Variants in ANO6 observed in about 807,000 individuals in gnomAD.
The protein encoded by ANO6 is anoctamin-6.
Under a neutral mutation model 117.5 loss-of-function variants are expected in ANO6, and 106 were observed. The observed-to-expected ratio is 0.90, with a 90% CI of 0.77 to 1.06. The LOEUF (loss-of-function observed/expected upper bound fraction) is 1.06. ANO6 is among the 50% of genes least tolerant of loss of function. The probability of loss-of-function intolerance (pLI) is 0.00; values close to 1 mark genes in which losing one functional copy is unlikely to be tolerated. For missense variants in ANO6, 955 were observed against 1,121.1 expected (o/e 0.85, Z 2.12); for synonymous variants, 367 against 385.1 (o/e 0.95, Z 0.55).
intron 6 of ANO6, among the ~76,000 whole-genome samples, chr12:45,349,082 G>A (rs1941218283): frequency 6.6e-6 from 1 of 152,132 alleles, no homozygotes; most frequent in African/African-American, 2.4e-5. Flanking sequence ...TAATCCAAAT[G>A]TTAGTCCCTA....
rs147624961 is a variant in ANO6 at position 45,391,323 on chromosome 12, G to A, written c.1386+825G>A. Among the ~76,000 whole-genome samples, 1,061 of 152,236 alleles carry A rather than the reference G, an allele frequency of 7.0e-3. 21 individuals carry two copies. Among genetic ancestry groups the A allele is most frequent in the African/African-American group, 0.024 (1,007 of 41,542 alleles). On this transcript the variant is annotated intron_variant, in intron 12 of 19. Transcript: ENST00000320560. ...GGCTTATTGATGGAATCATATTAGTGATGTAATAATTTAGTGTGAGTTTTA... is the reference window on the plus strand; with the variant it reads ...GGCTTATTGATGGAATCATATTAGTAATGTAATAATTTAGTGTGAGTTTTA...
intron 3 of ANO6, among the ~76,000 whole-genome samples, chr12:45,335,923 A>C (rs1056209182): frequency 3.9e-5 from 6 of 151,982 alleles, no homozygotes; most frequent in Non-Finnish European, 8.8e-5. Context: ...TCCCAAATGA[A>C]GACCATATTG....
intron 1 of ANO6, among the ~76,000 whole-genome samples, chr12:45,274,255 C>G (rs1938478058): frequency 6.6e-6 from 1 of 152,166 alleles, no homozygotes; most frequent in Non-Finnish European, 1.5e-5. Flanking sequence ...TTATCTCTCC[C>G]TTGCTTTACA....
chr12:45,350,792 G>A lies in ANO6; in HGVS notation c.863+18G>A. On this transcript the variant is annotated intron_variant, in intron 7 of 19. Transcript: ENST00000320560. ...CTTATCAGGTGAGGGGTTGTAGGGAGTACTCCAGGGGGAGGCACTCAGGGT... is the reference window on the plus strand; with the variant it reads ...CTTATCAGGTGAGGGGTTGTAGGGAATACTCCAGGGGGAGGCACTCAGGGT... 3 of 1,595,518 alleles carry A rather than the reference G, an allele frequency of 1.9e-6. No individual in the cohort carries two copies. Among genetic ancestry groups the A allele is most frequent in the Non-Finnish European group, 2.6e-6 (3 of 1,164,774 alleles).
intron 7 of ANO6, among the ~76,000 whole-genome samples, chr12:45,355,569 C>T (rs192085404): frequency 4.6e-5 from 7 of 152,252 alleles, no homozygotes; most frequent in East Asian, 3.9e-4. Context: ...GAGGCCAAGG[C>T]GTCTCAAACC....
rs529311073 is a variant in ANO6, at chr12:45,282,424, G to A, written c.71-19590G>A. ...CAGTCAAGGAGGAGGCACCAATGGA[G>A]GAAATCAGAGAAATGGAAGACCCTC... On this transcript the variant is annotated intron_variant, in intron 1 of 19. Coordinates refer to ENST00000320560, the MANE Select transcript of ANO6 (RefSeq NM_001025356.3). Among the ~76,000 whole-genome samples the A allele has an allele frequency of 3.9e-5, 6 of 152,306 alleles. No homozygotes were observed. In the East Asian group the frequency reaches 1.2e-3, roughly 29 times the overall value.
intron 8 of ANO6, among the ~76,000 whole-genome samples, chr12:45,360,153 G>A (rs984012556): frequency 9.2e-5 from 14 of 152,190 alleles, no homozygotes; most frequent in African/African-American, 1.9e-4. Context: ...ATTTGGGATA[G>A]AAGTCTCTTA....
intron 1 of ANO6, among the ~76,000 whole-genome samples, chr12:45,228,618 A>G (rs964299510): frequency 7.2e-5 from 11 of 152,090 alleles, no homozygotes; most frequent in African/African-American, 2.2e-4. Flanking sequence ...AGAGTTCTAC[A>G]TGATTCTGTT....
chr12:45,369,890 A>G (rs1329079924), intron 9 of ANO6, among the ~76,000 whole-genome samples: 4 of 152,250 alleles, frequency 2.6e-5, no homozygotes, highest in African/African-American at 4.8e-5. Context: ...AAAGGGAAAC[A>G]TGGTAAGTTC....
chr12:45,310,705 A>G (rs921818184), intron 2 of ANO6, among the ~76,000 whole-genome samples: 1 of 152,080 alleles, frequency 6.6e-6, no homozygotes, highest in African/African-American at 2.4e-5. Flanking sequence ...TGAGTTAACC[A>G]GGGTATTAAA....
chr12:45,325,045 AATT>A (rs950586865), intron 2 of ANO6, among the ~76,000 whole-genome samples: 4 of 144,796 alleles, frequency 2.8e-5, no homozygotes, highest in African/African-American at 9.8e-5. Flanking sequence ...TGAAGTATAT[AATT>A]AAGAAGAATC....
rs1298186971 is a variant in ANO6 at position 45,331,354 on chromosome 12, CTT to C, written c.212_213del (p.Phe71CysfsTer5). On this transcript the variant is annotated frameshift_variant, in exon 3 of 20. Transcript: ENST00000320560. LOFTEE classifies it high-confidence loss of function. ...TTAATGATGGCCAGCGAAGAATTGACTTTGTTCTAGTATATGAGGATGAAAGC... is the reference window on the plus strand; with the variant it reads ...TTAATGATGGCCAGCGAAGAATTGACTGTTCTAGTATATGAGGATGAAAGC... ...FFNDGQRRID[F>X]VLVYEDESRK... is the part of the protein sequence containing the mutation. The C allele has an allele frequency of 6.2e-7, 1 of 1,609,896 alleles. No homozygotes were observed. The highest frequency in any genetic ancestry group is 2.2e-5 in the East Asian group (1 of 44,686).
intron 2 of ANO6, among the ~76,000 whole-genome samples, chr12:45,327,676 C>T (rs1281495671): frequency 6.6e-6 from 1 of 152,066 alleles, no homozygotes; most frequent in Non-Finnish European, 1.5e-5. Flanking sequence ...TGTTTGTGTG[C>T]TCTTGCATGC....
rs1461988954 is a variant in ANO6 at position 45,403,539 on chromosome 12, G to A, written c.1880+3G>A. On this transcript the variant is annotated splice_donor_region_variant and intron_variant, in intron 15 of 19. Coordinates refer to ENST00000320560, the MANE Select transcript of ANO6 (RefSeq NM_001025356.3). ...AACATACAAGAAGTATTATTGCCGT[G>A]AGTGTTAAATTGTATAGCCATGGGT... The A allele has an allele frequency of 6.2e-7, 1 of 1,606,466 alleles. No homozygotes were observed. Among genetic ancestry groups the A allele is most frequent in the South Asian group, 1.1e-5 (1 of 90,906 alleles).
chr12:45,290,386 A>AATTT, intron 1 of ANO6, among the ~76,000 whole-genome samples: 1 of 152,164 alleles, frequency 6.6e-6, no homozygotes, highest in African/African-American at 2.4e-5. Context: ...TTGGAGCTGA[A>AATTT]AGACAATAGG....
intron 12 of ANO6, among the ~76,000 whole-genome samples, chr12:45,390,965 AC>A (rs1184909768): frequency 2.0e-5 from 3 of 152,134 alleles, no homozygotes; most frequent in Non-Finnish European, 4.4e-5. Flanking sequence ...TACTGAAAAT[AC>A]AAAAATTAGC....
intron 2 of ANO6, among the ~76,000 whole-genome samples, chr12:45,330,766 T>C (rs1198224780): frequency 6.6e-6 from 1 of 152,098 alleles, no homozygotes; most frequent in Non-Finnish European, 1.5e-5. Flanking sequence ...TTTGTTTATA[T>C]GGGAGTATCT....
intron 1 of ANO6, among the ~76,000 whole-genome samples, chr12:45,292,418 T>G (rs1939131826): frequency 6.6e-6 from 1 of 152,242 alleles, no homozygotes; most frequent in Admixed American, 6.5e-5. Flanking sequence ...GTGAATGTAA[T>G]TATTGCCACT....
intron 2 of ANO6, among the ~76,000 whole-genome samples, chr12:45,325,560 ATTTCT>A (rs1333588423): frequency 9.2e-5 from 14 of 152,274 alleles, no homozygotes; most frequent in Admixed American, 9.2e-4. Context: ...TCTCTCCTAC[ATTTCT>A]TTTACCAACA....
Sources: gnomAD v4.1 joint callset for allele counts (sites outside exome capture counted in the v4.1 genomes callset) on GRCh38, gnomAD v4.1.1 for gene constraint, MANE v1.5 for transcripts, NCBI Gene and HGNC (gene_info 2026-07-23, HGNC 2026-07-21) for gene names.